ZNF592: variants seen among roughly 807,000 people sequenced by gnomAD.
ZNF592 encodes spinocerebellar ataxia, autosomal recessive 5.
ZNF592 carries 11 observed loss-of-function variants against 80.3 expected under a neutral mutation model. That is an observed-to-expected ratio of 0.14 (90% confidence interval 0.09 to 0.23). ZNF592 has a LOEUF of 0.23. Among genes scored for constraint, ZNF592 ranks in the 10% least tolerant of loss-of-function variants. The pLI is 1.00. For missense variants in ZNF592, 1,420 were observed against 1,633.9 expected, an observed-to-expected ratio of 0.87 and a Z score of 2.26; for synonymous variants, 646 against 640.3, an observed-to-expected ratio of 1.01 and a Z score of -0.13.
intron 4 of ZNF592, among the ~76,000 whole-genome samples, chr15:84,790,398 A>G (rs986276182): frequency 1.3e-5 from 2 of 152,102 alleles, no homozygotes; most frequent in African/African-American, 2.4e-5. Flanking sequence ...GGCCTCTGCA[A>G]AGGAAAAGCT....
chr15:84,782,319 G>A (rs935817459), intron 3 of ZNF592, among the ~76,000 whole-genome samples: 3 of 152,190 alleles, frequency 2.0e-5, no homozygotes, highest in African/African-American at 7.2e-5. Flanking sequence ...GCACATGATC[G>A]TGGAGGGATG....
chr15:84,783,107 C>T lies in ZNF592; in HGVS notation c.432C>T (p.Ile144=), dbSNP rs377714794. 4.0e-5 allele frequency: 65 copies of T among 1,614,070 alleles called. No homozygotes were observed. The highest frequency in any genetic ancestry group is 3.3e-4 in the Middle Eastern group (2 of 6,084). ...CCACCTTCAACCAGTTCAGTCCAATCTCCAGCCCAGAACCTGAGGATCCCA... is the reference window on the plus strand; with the variant it reads ...CCACCTTCAACCAGTTCAGTCCAATTTCCAGCCCAGAACCTGAGGATCCCA... ...PLPTFNQFSP[I]SSPEPEDPIK... The change falls in exon 4 of 11, where the codon ATC becomes ATT. Residue 144 remains isoleucine, a synonymous_variant. Coordinates refer to ENST00000560079, the MANE Select transcript of ZNF592 (RefSeq NM_014630.3). This position sits in a 1 kb window ranked among gnomAD's most constrained non-coding sequence, Gnocchi z 5.0.
At chr15:84,781,795 T>A (rs1297462837) in intron 3 of ZNF592, among the ~76,000 whole-genome samples, 1 of 152,224 alleles carries the variant, frequency 6.6e-6, no homozygotes, top group Non-Finnish European at 1.5e-5. Flanking sequence ...AAGAATTTCC[T>A]AATGGAAGGT....
intron 2 of ZNF592, among the ~76,000 whole-genome samples, chr15:84,768,789 C>A (rs191141022): frequency 3.4e-4 from 52 of 152,302 alleles, no homozygotes; most frequent in Admixed American, 9.8e-4. Context: ...GGTCCCATAA[C>A]CACTGAAGGT....
At chr15:84,781,373 G>C (rs141000628) in intron 3 of ZNF592, among the ~76,000 whole-genome samples, 1 of 151,286 alleles carries the variant, frequency 6.6e-6, no homozygotes, top group East Asian at 1.9e-4. Context: ...TAATGACTGC[G>C]TTATAGTCTA....
Position 84,783,085 on chromosome 15 carries a change from C to A in ZNF592, c.410C>A (p.Thr137Asn). 1 of 1,614,190 alleles carries A rather than the reference C, an allele frequency of 6.2e-7. No homozygotes were observed. The highest frequency in any genetic ancestry group is 8.5e-7 in the Non-Finnish European group (1 of 1,180,030). Residue 137 changes from threonine to asparagine, a missense_variant, in exon 4 of 11, where the codon ACC (threonine) becomes AAC (asparagine). Thr to Asn is a moderately conservative substitution (Grantham distance 65). Coordinates refer to ENST00000560079, the MANE Select transcript of ZNF592 (RefSeq NM_014630.3). This position sits in a 1 kb window ranked among gnomAD's most constrained non-coding sequence, Gnocchi z 5.0. ...LEPPKSEPLPTFNQFSPISSP... is the reference protein window; with the variant it reads ...LEPPKSEPLPNFNQFSPISSP... ...CCTCCCAAGTCAGAGCCATTACCCA[C>A]CTTCAACCAGTTCAGTCCAATCTCC...
intron 2 of ZNF592, among the ~76,000 whole-genome samples, chr15:84,777,113 C>A (rs150428071): frequency 9.2e-5 from 14 of 151,690 alleles, no homozygotes; most frequent in African/African-American, 3.4e-4. Flanking sequence ...AATTTTTTGG[C>A]CTGCCTAGTT....
intron 1 of ZNF592, among the ~76,000 whole-genome samples, chr15:84,761,576 G>A (rs1361185829): frequency 1.3e-5 from 2 of 152,154 alleles, no homozygotes; most frequent in East Asian, 1.9e-4. Context: ...GTAGGAGAAA[G>A]GAAAAGGAAG....
intron 1 of ZNF592, among the ~76,000 whole-genome samples, chr15:84,761,500 C>T (rs770841476): frequency 4.6e-5 from 7 of 152,116 alleles, no homozygotes; most frequent in Non-Finnish European, 1.0e-4. Flanking sequence ...CCAGTGCTTC[C>T]AATGTGGTAG....
At chr15:84,756,521 G>A (rs1210734078) in intron 1 of ZNF592, among the ~76,000 whole-genome samples, 2 of 152,144 alleles carry the variant, frequency 1.3e-5, no homozygotes, top group East Asian at 3.9e-4. Flanking sequence ...CAGAGCTTTG[G>A]CATTTTCAGA....
rs1413285858 is a variant in ZNF592, at chr15:84,799,601, G to T, written c.3138-241G>T. 6.6e-6 allele frequency among the ~76,000 whole-genome samples: 1 copy of T among 152,236 alleles called. No individual in the cohort carries two copies. Among genetic ancestry groups the T allele is most frequent in the Non-Finnish European group, 1.5e-5 (1 of 68,040 alleles). ...AGCCTAGCACTTGGGTCTCTGGGCG[G>T]TGACATCAGGTAGTGTTCAGTGAGA... On this transcript the variant is annotated intron_variant, in intron 9 of 10. Transcript: ENST00000560079. This position sits in a 1 kb window ranked among gnomAD's most constrained non-coding sequence, Gnocchi z 4.2.
At chr15:84,759,631 A>G (rs966819596) in intron 1 of ZNF592, among the ~76,000 whole-genome samples, 1 of 152,148 alleles carries the variant, frequency 6.6e-6, no homozygotes, top group Non-Finnish European at 1.5e-5. Flanking sequence ...TTAGTACATC[A>G]TCACCAAACA....
intron 2 of ZNF592, among the ~76,000 whole-genome samples, chr15:84,767,830 G>A (rs1899573781): frequency 6.6e-6 from 1 of 151,706 alleles, no homozygotes; most frequent in South Asian, 2.1e-4. Flanking sequence ...TGGTATTTCA[G>A]TTTGTTCACG....
In ZNF592 at chr15:84,790,836, C is replaced by A. The variant is rs1360376367; in HGVS notation, c.2352C>A (p.Thr784=). ...TCTGCCGCTCTGCCTACTTCCAGACCCATGTAAAGGAGAATTGCCTGCACT... is the reference window on the plus strand; with the variant it reads ...TCTGCCGCTCTGCCTACTTCCAGACACATGTAAAGGAGAATTGCCTGCACT... ...GVLCRSAYFQ[T]HVKENCLHYA... Residue 784 remains threonine (T), a synonymous_variant, in exon 5 of 11, where the codon ACC becomes ACA. Transcript: ENST00000560079. The A allele has an allele frequency of 6.2e-7, 1 of 1,614,216 alleles. No homozygotes were observed. The highest frequency in any genetic ancestry group is 1.1e-5 in the South Asian group (1 of 91,086).
chr15:84,799,416 G>A lies in ZNF592; in HGVS notation c.3137+206G>A, dbSNP rs762415402. On this transcript the variant is annotated intron_variant, in intron 9 of 10. Coordinates refer to ENST00000560079, the MANE Select transcript of ZNF592 (RefSeq NM_014630.3). This position sits in a 1 kb window ranked among gnomAD's most constrained non-coding sequence, Gnocchi z 4.2. ...CCTGGTAGCTCCTGAGCCCTCTCTC[G>A]TCACTCTCTAGCCCAGGACTGCACA... Among the ~76,000 whole-genome samples, 20 of 152,146 alleles carry A rather than the reference G, an allele frequency of 1.3e-4. No individual in the cohort carries two copies. The highest frequency in any genetic ancestry group is 2.1e-4 in the Non-Finnish European group (14 of 68,024).
intron 1 of ZNF592, among the ~76,000 whole-genome samples, chr15:84,756,593 G>A (rs974129740): frequency 1.4e-4 from 22 of 152,294 alleles, no homozygotes; most frequent in Admixed American, 1.4e-3. Flanking sequence ...CCCAGCCAAA[G>A]CTCTGGTCTA....
chr15:84,798,997 C>T lies in ZNF592; in HGVS notation c.3025-101C>T, dbSNP rs142150118. The T allele has an allele frequency of 2.9e-5, 46 of 1,587,400 alleles. No homozygotes were observed. The East Asian group carries it at 4.5e-4, about 15-fold the overall frequency. On this transcript the variant is annotated intron_variant, in intron 8 of 10. Coordinates refer to ENST00000560079, the MANE Select transcript of ZNF592 (RefSeq NM_014630.3). The surrounding 1 kb of genome is among the most constrained non-coding windows in gnomAD (Gnocchi z 4.5). Reference sequence around the variant, plus strand: ...TGGGTACCACAGATCTTGAGGTCTTCGGGAGTATCCTCCTTTCTGCCCATG... The same window carrying T: ...TGGGTACCACAGATCTTGAGGTCTTTGGGAGTATCCTCCTTTCTGCCCATG...
Position 84,783,309 on chromosome 15 carries a change from T to G in ZNF592, c.634T>G (p.Leu212Val). The change falls in exon 4 of 11, where the codon TTG (leucine) becomes GTG (valine). Residue 212 changes from leucine to valine, a missense_variant. Transcript: ENST00000560079. The surrounding 1 kb of genome is among the most constrained non-coding windows in gnomAD (Gnocchi z 5.0). The part of the protein sequence containing the change: ...KKEPKPEPLP[L>V]GSQQEHEQSG... ...AGAACCCAAGCCAGAACCCCTGCCC[T>G]TGGGGAGCCAGCAGGAACACGAGCA... 1 of 1,614,228 alleles carries G rather than the reference T, an allele frequency of 6.2e-7. No homozygotes were observed. The highest frequency in any genetic ancestry group is 8.5e-7 in the Non-Finnish European group (1 of 1,180,040).
chr15:84,800,481 G>T (rs538812869), intron 10 of ZNF592, among the ~76,000 whole-genome samples: 81 of 152,252 alleles, frequency 5.3e-4, no homozygotes, highest in African/African-American at 1.9e-3. Flanking sequence ...CTTTGGAGCA[G>T]CCTGGTTTTT....
Sources: allele counts gnomAD v4.1 joint callset (sites outside exome capture counted in the v4.1 genomes callset), GRCh38; gene constraint gnomAD v4.1.1; non-coding constraint Gnocchi (gnomAD v3.1); transcripts MANE v1.5; gene names NCBI Gene and HGNC (gene_info 2026-07-23, HGNC 2026-07-21).